Variants in APH1B observed in about 807,000 individuals in gnomAD.
APH1B encodes the protein gamma-secretase subunit APH-1B.
A neutral mutation model predicts 28.2 loss-of-function variants in APH1B; 27 were observed. That is an observed-to-expected ratio of 0.96 (90% CI 0.70 to 1.32). The LOEUF is 1.32. Among genes scored for constraint, APH1B ranks in the 40% most tolerant of loss-of-function variants. APH1B has a pLI of 0.00. For missense variants in APH1B, 305 were observed against 313.6 expected (o/e 0.97, Z 0.21); for synonymous variants, 141 against 124.6 (o/e 1.13, Z -0.88).
intron 4 of APH1B, among the ~76,000 whole-genome samples, chr15:63,298,539 A>G (rs2038591727): frequency 6.6e-6 from 1 of 152,136 alleles, no homozygotes; most frequent in African/African-American, 2.4e-5. Context: ...ATAGTCAAGT[A>G]CCCAGGAGAC....
At chr15:63,288,087 T>C (rs940781825) in intron 4 of APH1B, among the ~76,000 whole-genome samples, 1 of 152,190 alleles carries the variant, frequency 6.6e-6, no homozygotes, top group Non-Finnish European at 1.5e-5. Context: ...GTTGGTAGCG[T>C]ACATAATTAA....
At chr15:63,277,817 C>A in intron 1 of APH1B, 81 bp downstream of exon 1, 1 of 1,369,284 alleles carries the variant, frequency 7.3e-7, no homozygotes, top group Non-Finnish European at 1.0e-6. Flanking sequence ...GGCGCCCCCA[C>A]CGCGCGGCTC....
rs201197544 is a variant in APH1B at position 63,305,939 on chromosome 15, C to G, written c.*158C>G. 13 of 964,552 alleles carry G rather than the reference C, an allele frequency of 1.3e-5. No homozygotes were observed. Among genetic ancestry groups the G allele is most frequent in the South Asian group, 5.2e-5 (3 of 57,168 alleles). The allele number at this position is 964,552 out of a possible 1,614,324, so 59.7% of individuals were successfully genotyped here. On this transcript the variant is annotated 3_prime_UTR_variant, in exon 6 of 6. Transcript: ENST00000261879. ...ACTTGGCTTTCACACAACTGCTCTC[C>G]GAAAGGGGTGCTCAGTGGTGTGCGT...
intron 4 of APH1B, among the ~76,000 whole-genome samples, chr15:63,296,831 G>A (rs2038573621): frequency 6.6e-6 from 1 of 151,916 alleles, no homozygotes; most frequent in South Asian, 2.1e-4. Context: ...CTAATTTTTT[G>A]TATTTTTTAG....
chr15:63,278,641 C>G (rs1441240793), intron 1 of APH1B, among the ~76,000 whole-genome samples: 2 of 152,210 alleles, frequency 1.3e-5, no homozygotes, highest in African/African-American at 4.8e-5. Context: ...GATCAGAACA[C>G]AGGTTTTCAA....
intron 4 of APH1B, among the ~76,000 whole-genome samples, chr15:63,297,749 G>C (rs994618816): frequency 6.6e-6 from 1 of 152,092 alleles, no homozygotes; most frequent in South Asian, 2.1e-4. Context: ...CTGTAGCCAC[G>C]TGTGTGTGGC....
At chr15:63,279,362 T>C (rs200046807) in intron 2 of APH1B, 31 bp downstream of exon 2, 12 of 1,562,800 alleles carry the variant, frequency 7.7e-6, no homozygotes, top group African/African-American at 5.4e-5. Flanking sequence ...ACCTTTTTTT[T>C]CCCCAGTTAG....
rs1415116185 is a variant in APH1B at position 63,304,367 on chromosome 15, G to A, written c.607-1247G>A. Among the ~76,000 whole-genome samples, 1 of 152,156 alleles carries A rather than the reference G, an allele frequency of 6.6e-6. No homozygotes were observed. The highest frequency in any genetic ancestry group is 1.5e-5 in the Non-Finnish European group (1 of 68,008). ...GTTCATGCTGGGAAAATAAGGTTGA[G>A]CAAGTCTTCAGATGTTTATTGGCCA... On this transcript the variant is annotated intron_variant, in intron 5 of 5. Coordinates refer to ENST00000261879, the MANE Select transcript of APH1B (RefSeq NM_031301.4). The surrounding 1 kb of genome is among the most constrained non-coding windows in gnomAD (Gnocchi z 5.1).
rs755951297 is a variant in APH1B at position 63,304,163 on chromosome 15, T to C, written c.607-1451T>C. Among the ~76,000 whole-genome samples, 1 of 152,176 alleles carries C rather than the reference T, an allele frequency of 6.6e-6. No individual in the cohort carries two copies. Among genetic ancestry groups the C allele is most frequent in the African/African-American group, 2.4e-5 (1 of 41,450 alleles). Reference sequence around the variant, plus strand: ...TCATTTACGTTTCCCTGATGATTAATAGGTTGAGCCCCATGTTGTGTGGCT... The same window carrying C: ...TCATTTACGTTTCCCTGATGATTAACAGGTTGAGCCCCATGTTGTGTGGCT... On this transcript the variant is annotated intron_variant, in intron 5 of 5. Transcript: ENST00000261879. This position sits in a 1 kb window ranked among gnomAD's most constrained non-coding sequence, Gnocchi z 5.1.
chr15:63,304,546 T>C lies in APH1B; in HGVS notation c.607-1068T>C, dbSNP rs746358466. On this transcript the variant is annotated intron_variant, in intron 5 of 5. Coordinates refer to ENST00000261879, the MANE Select transcript of APH1B (RefSeq NM_031301.4). The surrounding 1 kb of genome is among the most constrained non-coding windows in gnomAD (Gnocchi z 5.1). ...TGTGGCATGGTTTGTCTTTACATTC[T>C]CTTAATGTCTTTCGGTGAACAAAAG... is the stretch of plus-strand genomic sequence containing the variant. Among the ~76,000 whole-genome samples, 1 of 152,264 alleles carries C rather than the reference T, an allele frequency of 6.6e-6. No homozygotes were observed. The highest frequency in any genetic ancestry group is 2.4e-5 in the African/African-American group (1 of 41,470).
intron 4 of APH1B, among the ~76,000 whole-genome samples, chr15:63,293,487 T>C (rs865908247): frequency 1.5e-4 from 23 of 149,890 alleles, no homozygotes; most frequent in Admixed American, 4.0e-4. Context: ...TGTGTTTTTC[T>C]TCTTCTTCTT....
rs1427016927 is a variant in APH1B, at chr15:63,305,952, C to G, written c.*171C>G. ...ACAACTGCTCTCCGAAAGGGGTGCT[C>G]AGTGGTGTGCGTCCTGGCTGCACGA... On this transcript the variant is annotated 3_prime_UTR_variant, in exon 6 of 6. Transcript: ENST00000261879. 3 of 826,644 alleles carry G rather than the reference C, an allele frequency of 3.6e-6. No homozygotes were observed. The highest frequency in any genetic ancestry group is 3.5e-5 in the African/African-American group (2 of 57,612). The allele number at this position is 826,644 out of a possible 1,614,324, so 51.2% of individuals were successfully genotyped here.
intron 3 of APH1B, 96 bp from the exon 4 acceptor site, chr15:63,287,328 T>A (rs1357856329): frequency 6.6e-7 from 1 of 1,516,684 alleles, no homozygotes; most frequent in African/African-American, 1.4e-5. Context: ...ATAAGCACCC[T>A]TTCCCCTCCA....
At chr15:63,300,173 C>G (rs1295116826) in intron 4 of APH1B, among the ~76,000 whole-genome samples, 2 of 152,068 alleles carry the variant, frequency 1.3e-5, no homozygotes, top group African/African-American at 2.4e-5. Flanking sequence ...TCAAGAAGCT[C>G]TGGTGCCATC....
chr15:63,277,751 T>G lies in APH1B; in HGVS notation c.113+15T>G. ...CTCATCGCCGGGTGAGGCGGTCGCG[T>G]CGGGAAACCCGGACGCCGGGGCTCC... On this transcript the variant is annotated intron_variant, in intron 1 of 5. Transcript: ENST00000261879. 1 of 1,604,914 alleles carries G rather than the reference T, an allele frequency of 6.2e-7. No individual in the cohort carries two copies. The highest frequency in any genetic ancestry group is 8.5e-7 in the Non-Finnish European group (1 of 1,175,524).
At chr15:63,294,809 G>A (rs1010282382) in intron 4 of APH1B, among the ~76,000 whole-genome samples, 1 of 152,078 alleles carries the variant, frequency 6.6e-6, no homozygotes, top group South Asian at 2.1e-4. Flanking sequence ...CCTTTGTTTC[G>A]GGTGGTAAGC....
chr15:63,299,720 A>G (rs1035528788), intron 4 of APH1B, among the ~76,000 whole-genome samples: 14 of 152,044 alleles, frequency 9.2e-5, no homozygotes, highest in Middle Eastern at 3.4e-3. Flanking sequence ...AGCATTTTTA[A>G]ATGAACTGTA....
intron 4 of APH1B, among the ~76,000 whole-genome samples, chr15:63,294,380 C>A (rs1057290156): frequency 1.3e-5 from 2 of 152,228 alleles, no homozygotes; most frequent in African/African-American, 4.8e-5. Context: ...GCTCCATGGC[C>A]ATGTTGGGAA....
chr15:63,290,794 C>T (rs2038497081), intron 4 of APH1B, among the ~76,000 whole-genome samples: 1 of 152,334 alleles, frequency 6.6e-6, no homozygotes, highest in Non-Finnish European at 1.5e-5. Context: ...CTGTCCTCGG[C>T]ATCTTGTGGA....
Sources: gnomAD v4.1 joint callset for allele counts (sites outside exome capture counted in the v4.1 genomes callset) on GRCh38, gnomAD v4.1.1 for gene constraint, Gnocchi (gnomAD v3.1) non-coding constraint, MANE v1.5 for transcripts, NCBI Gene and HGNC (gene_info 2026-07-23, HGNC 2026-07-21) for gene names.